Variants in NAV1 observed in about 807,000 individuals in gnomAD.
NAV1 encodes the protein neuron navigator 1, also known as pore membrane and/or filament interacting like protein 3.
In NAV1, 18 loss-of-function variants were observed where a neutral mutation model predicts 175.2. That is an observed-to-expected ratio of 0.10 (90% CI 0.07 to 0.15). The LOEUF is 0.15. Among genes scored for constraint, NAV1 ranks in the 10% least tolerant of loss-of-function variants. The pLI is 1.00. For synonymous variants in NAV1, 897 were observed against 978.7 expected, an observed-to-expected ratio of 0.92 and a Z score of 1.56; for missense variants, 1,731 against 2,436.6, an observed-to-expected ratio of 0.71 and a Z score of 6.10.
chr1:201,775,831 G>A (rs1009288790), intron 3 of NAV1, among the ~76,000 whole-genome samples: 3 of 152,182 alleles, frequency 2.0e-5, no homozygotes, highest in Non-Finnish European at 2.9e-5. Context: ...GCTGAGGAGG[G>A]AAGATTGCTT....
rs386369321 is a variant in NAV1 at position 201,701,009 on chromosome 1, C to CAA, written c.758-11786_758-11785dup. Among the ~76,000 whole-genome samples the CAA allele has an allele frequency of 9.0e-3, 474 of 52,730 alleles. 75 individuals carry two copies. Among genetic ancestry groups the CAA allele is most frequent in the Middle Eastern group, 0.05 (2 of 40 alleles). 34.6% of individuals were successfully genotyped at this position (52,730 alleles called of 152,430 possible). ...CTGGGGACAGAGTGAGACTCTGTCTCAAAAAAAAAAAAAAAAAAAAAAAGA... is the reference window on the plus strand; with the variant it reads ...CTGGGGACAGAGTGAGACTCTGTCTCAAAAAAAAAAAAAAAAAAAAAAAAAGA... On this transcript the variant is annotated intron_variant, in intron 1 of 29. Transcript: ENST00000367296.
rs1401479260 is a variant in NAV1, at chr1:201,642,213, C to CTTT, written c.5-6421_5-6420insTTT. Among the ~76,000 whole-genome samples the CTTT allele has an allele frequency of 1.6e-3, 213 of 137,402 alleles. 3 individuals carry two copies. The highest frequency in any genetic ancestry group is 6.3e-3 in the African/African-American group (210 of 33,322). The allele number at this position is 137,402 out of a possible 152,430, so 90.1% of individuals were successfully genotyped here. A position where few individuals can be genotyped will look rare whatever the true frequency, so the allele number is the denominator to read the frequency against. On this transcript the variant is annotated intron_variant, in intron 2 of 29. Transcript: ENST00000367302. ...CCCTCCTTTCTTCCTTTCTTCCTTC[C>CTTT]CTCCTTTCTTCCTTTCTTTCTCGGA...
intron 1 of NAV1, among the ~76,000 whole-genome samples, chr1:201,542,661 C>T (rs1233532709): frequency 6.6e-6 from 1 of 152,126 alleles, no homozygotes; most frequent in Non-Finnish European, 1.5e-5. Context: ...CTCTGACCTG[C>T]CTGTGGATGT....
At chr1:201,784,140 T>C (rs185026882) in intron 7 of NAV1, among the ~76,000 whole-genome samples, 161 of 152,308 alleles carry the variant, frequency 1.1e-3, no homozygotes, top group Non-Finnish European at 1.9e-3. Flanking sequence ...GAGCTTTTGC[T>C]TCCTAGTCCA....
At chr1:201,631,589 C>T (rs939132222) in intron 2 of NAV1, among the ~76,000 whole-genome samples, 1 of 152,218 alleles carries the variant, frequency 6.6e-6, no homozygotes, top group Non-Finnish European at 1.5e-5. Flanking sequence ...TTGTTGGGAT[C>T]CCAGAAGCTG....
intron 1 of NAV1, among the ~76,000 whole-genome samples, chr1:201,567,765 G>A (rs74136645): frequency 0.024 from 3,605 of 152,146 alleles, 109 homozygotes; most frequent in African/African-American, 0.067. Context: ...AGAGACTATG[G>A]CTTTCTCCCA....
At position 201,611,277 on chromosome 1, in the gene NAV1, G is replaced by A. The variant is rs540673044; in HGVS notation, c.-32-11576G>A. ...TGGTTTGCTGAAGCCTGAAGCCAGGGTCTACAGGCAAGAGCTTGGGGAAGG... is the reference window on the plus strand; with the variant it reads ...TGGTTTGCTGAAGCCTGAAGCCAGGATCTACAGGCAAGAGCTTGGGGAAGG... On this transcript the variant is annotated intron_variant, in intron 2 of 33. Transcript: ENST00000685211. Among the ~76,000 whole-genome samples the A allele has an allele frequency of 2.0e-5, 3 of 152,312 alleles. No homozygotes were observed. In the South Asian group the frequency reaches 6.2e-4, roughly 32 times the overall value.
Position 201,782,752 on chromosome 1 carries a change from C to A in NAV1, c.2240C>A (p.Ala747Asp). 1 of 1,614,122 alleles carries A rather than the reference C, an allele frequency of 6.2e-7. No homozygotes were observed. The highest frequency in any genetic ancestry group is 8.5e-7 in the Non-Finnish European group (1 of 1,180,008). Residue 747 changes from alanine (A) to aspartate (D), a missense_variant, in exon 6 of 30, where the codon GCC becomes GAC. By Grantham distance (126) the Ala-to-Asp change is moderately radical. Transcript: ENST00000367296. The surrounding 1 kb of genome is among the most constrained non-coding windows in gnomAD (Gnocchi z 5.4). ...GAGAAGGCCAAAGCCAAGGCAGTGG[C>A]CTTGGACTCAGACAACATCTCCTTG...
At chr1:201,609,541 T>C (rs561283777) in intron 2 of NAV1, among the ~76,000 whole-genome samples, 2 of 152,338 alleles carry the variant, frequency 1.3e-5, no homozygotes, top group South Asian at 4.1e-4. Context: ...ACTACCTCCA[T>C]CTGCCTGGCT....
intron 1 of NAV1, among the ~76,000 whole-genome samples, chr1:201,626,431 T>C (rs1452962981): frequency 6.6e-6 from 1 of 152,180 alleles, no homozygotes; most frequent in Non-Finnish European, 1.5e-5. Flanking sequence ...TCTTCTCCCC[T>C]GCCCCATCCT....
chr1:201,662,524 G>T (rs1272660088), intron 1 of NAV1, among the ~76,000 whole-genome samples: 1 of 152,172 alleles, frequency 6.6e-6, no homozygotes, highest in African/African-American at 2.4e-5. Flanking sequence ...AGTCATGCGT[G>T]TGAGGGTTCA....
intron 3 of NAV1, among the ~76,000 whole-genome samples, chr1:201,737,032 C>G (rs1673143118): frequency 6.6e-6 from 1 of 152,054 alleles, no homozygotes; most frequent in Non-Finnish European, 1.5e-5. Flanking sequence ...CATATCCCTT[C>G]CACTCTGCCA....
intron 21 of NAV1, 38 bp from the exon 26 acceptor site, chr1:201,809,404 A>C: frequency 6.2e-7 from 1 of 1,607,216 alleles, no homozygotes; most frequent in Non-Finnish European, 8.5e-7. Context: ...AGTCATCTGC[A>C]GTGAAGCTCA....
intron 15 of NAV1, 71 bp downstream of exon 19, chr1:201,794,648 G>T: frequency 7.5e-7 from 1 of 1,338,034 alleles, no homozygotes; most frequent in Non-Finnish European, 1.1e-6. Context: ...ATTTTTATCT[G>T]GGCCCATAGT....
At chr1:201,734,486 G>A (rs1673011186) in intron 3 of NAV1, among the ~76,000 whole-genome samples, 1 of 108,704 alleles carries the variant, frequency 9.2e-6, no homozygotes. Flanking sequence ...GGAGGAGGAG[G>A]AAGAAGGAGA....
intron 17 of NAV1, among the ~76,000 whole-genome samples, chr1:201,805,271 T>C (rs576421920): frequency 6.6e-6 from 1 of 152,276 alleles, no homozygotes; most frequent in South Asian, 2.1e-4. Context: ...CATATAAAAT[T>C]AATAGCAATC....
rs1558194691 is a variant in NAV1, at chr1:201,813,002, A to G, written c.5222-138A>G. Reference sequence around the variant, plus strand: ...ATTGCCATCTAGGCAGTCAGCACCCACTAGTCTTGACAACTCTAAATTTCC... The same window carrying G: ...ATTGCCATCTAGGCAGTCAGCACCCGCTAGTCTTGACAACTCTAAATTTCC... On this transcript the variant is annotated intron_variant, in intron 27 of 29. Transcript: ENST00000367296. The surrounding 1 kb of genome is among the most constrained non-coding windows in gnomAD (Gnocchi z 4.2). 1 of 652,706 alleles carries G rather than the reference A, an allele frequency of 1.5e-6. No individual in the cohort carries two copies. Among genetic ancestry groups the G allele is most frequent in the African/African-American group, 1.8e-5 (1 of 55,124 alleles). The allele number at this position is 652,706 out of a possible 1,614,324, so 40.4% of individuals were successfully genotyped here.
At chr1:201,780,328 TG>T in intron 3 of NAV1, 92 bp from the exon 8 acceptor site, 1 of 1,489,998 alleles carries the variant, frequency 6.7e-7, no homozygotes, top group Non-Finnish European at 9.2e-7. Flanking sequence ...GCCTATATAC[TG>T]GTGCAGAGCC....
rs191775430 is a variant in NAV1 at position 201,656,315 on chromosome 1, G to A, written c.757+6890G>A. On this transcript the variant is annotated intron_variant, in intron 1 of 29. Transcript: ENST00000367296. ...GTGCTTTCTCCTGTGAGTTAGAGGT[G>A]TGGAAAGCAGGGACAAGTGCAGTCC... Among the ~76,000 whole-genome samples the A allele has an allele frequency of 7.2e-5, 11 of 152,346 alleles. No homozygotes were observed. In the East Asian group the frequency reaches 1.9e-3, roughly 27 times the overall value.
Sources: gnomAD v4.1 joint callset for allele counts (sites outside exome capture counted in the v4.1 genomes callset) on GRCh38, gnomAD v4.1.1 for gene constraint, Gnocchi (gnomAD v3.1) non-coding constraint, MANE v1.5 for transcripts, NCBI Gene and HGNC (gene_info 2026-07-23, HGNC 2026-07-21) for gene names.